The following SARDH variants were observed in gnomAD, a reference collection of about 807,000 sequenced individuals.
SARDH encodes sarcosine dehydrogenase.
Under a neutral mutation model 109.1 loss-of-function variants are expected in SARDH, and 95 were observed. The observed-to-expected ratio is 0.87, with a 90% confidence interval of 0.74 to 1.03. The LOEUF is 1.03. Among genes scored for constraint, SARDH ranks in the 50% least tolerant of loss-of-function variants. SARDH has a pLI of 0.00. For synonymous variants in SARDH, 572 were observed against 534.8 expected, an observed-to-expected ratio of 1.07 and a Z score of -0.96; for missense variants, 1,267 against 1,287.8, an observed-to-expected ratio of 0.98 and a Z score of 0.25.
At chr9:133,708,854 C>T (rs2131435441) in intron 10 of SARDH, among the ~76,000 whole-genome samples, 1 of 152,168 alleles carries the variant, frequency 6.6e-6, no homozygotes, top group Non-Finnish European at 1.5e-5. Context: ...TGTGAAGGGT[C>T]TTTGAAGTTT....
At chr9:133,703,788 G>A (rs1831583578) in intron 12 of SARDH, 1 of 152,384 alleles carries the variant, frequency 6.6e-6, no homozygotes, top group Admixed American at 6.5e-5. Flanking sequence ...TCACACACAA[G>A]TGGGAGCCAG....
At chr9:133,662,907 C>A (rs377368713), downstream of SARDH, among the ~76,000 whole-genome samples, 48 of 152,308 alleles carry the variant, frequency 3.2e-4, no homozygotes, top group East Asian at 7.5e-3. This position sits in a 1 kb window ranked among gnomAD's most constrained non-coding sequence, Gnocchi z 5.1. Context: ...ATGCACACCC[C>A]TCCCAGGCAG....
chr9:133,697,322 T>C (rs1380799930), intron 13 of SARDH, among the ~76,000 whole-genome samples: 1 of 152,234 alleles, frequency 6.6e-6, no homozygotes, highest in African/African-American at 2.4e-5. Context: ...CAGGTCCAGA[T>C]GGCTTCCCTG....
At position 133,689,233 on chromosome 9, in the gene SARDH, G is replaced by A. The variant is rs184866376; in HGVS notation, c.2069+1147C>T. ...CCTTTCCCATCCTCTCCCCGAAGCTGCCACCATCATTTTCCAGAGACAGAT... is the reference window on the plus strand; with the variant it reads ...CCTTTCCCATCCTCTCCCCGAAGCTACCACCATCATTTTCCAGAGACAGAT... On this transcript the variant is annotated intron_variant, in intron 16 of 20. Transcript: ENST00000439388. 6.2e-3 allele frequency among the ~76,000 whole-genome samples: 883 copies of A among 141,718 alleles called. 8 individuals are homozygous for A. The highest frequency in any genetic ancestry group is 7.7e-3 in the Non-Finnish European group (509 of 66,402). The allele number at this position is 141,718 out of a possible 152,430, so 93.0% of individuals were successfully genotyped here.
Position 133,696,299 on chromosome 9 carries a change from C to T in SARDH, c.1731G>A (p.Gly577=), listed in dbSNP as rs145379956. The T allele has an allele frequency of 2.1e-5, 34 of 1,614,064 alleles. No homozygotes were observed. The highest frequency in any genetic ancestry group is 2.7e-5 in the Non-Finnish European group (32 of 1,180,032). Residue 577 remains glycine, a synonymous_variant, in exon 14 of 21, where the codon GGG becomes GGA. Transcript: ENST00000439388. The stretch of plus-strand genomic sequence containing the variant: ...CATCCAGCCCCACCAGGTAGAACTT[C>T]CCGAAGTAGGACATGTCAAACACAG... ...AAAVFDMSYF[G]KFYLVGLDAR... is the part of the protein sequence containing the mutation.
At chr9:133,697,840 CA>C (rs1457885148) in intron 13 of SARDH, among the ~76,000 whole-genome samples, 1 of 151,858 alleles carries the variant, frequency 6.6e-6, no homozygotes, top group South Asian at 2.1e-4. Context: ...AGGAACAAGA[CA>C]GGGGGGTCCA....
rs2427988 is a variant in SARDH at position 133,729,742 on chromosome 9, A to G, written c.915+23T>C. On this transcript the variant is annotated intron_variant, in intron 6 of 20. Transcript: ENST00000439388. ...CTCTGTGCCCCCCACAGACTGACAC[A>G]GAACCCGGGGCTGTCCACCTACCTG... The G allele has an allele frequency of 0.88, 1,412,692 of 1,601,428 alleles. 627,007 individuals are homozygous for G. The highest frequency in any genetic ancestry group is 0.93 in the Admixed American group (55,339 of 59,774).
intron 1 of SARDH, among the ~76,000 whole-genome samples, chr9:133,735,725 A>G (rs1008769657): frequency 3.3e-5 from 5 of 152,340 alleles, no homozygotes; most frequent in Middle Eastern, 6.8e-3. Context: ...ATAGTAAAAA[A>G]ACACACCCCT....
chr9:133,708,349 C>G lies in SARDH; in HGVS notation c.1408G>C (p.Val470Leu). The G allele has an allele frequency of 6.2e-7, 1 of 1,613,306 alleles. No individual in the cohort carries two copies. The highest frequency in any genetic ancestry group is 8.5e-7 in the Non-Finnish European group (1 of 1,179,726). ...SHESYAKNYS[V>L]VFPHDEPLAG... ...AGCGGCTCATCGTGGGGGAAGACGA[C>G]GGAGTAGTTCTTGGCGTAGGACTCA... is the stretch of plus-strand genomic sequence containing the variant. Residue 470 changes from valine (V) to leucine (L), a missense_variant, in exon 11 of 21, where the codon GTC (valine) becomes CTC (leucine). Physicochemically the swap from Val to Leu is conservative, Grantham distance 32 (BLOSUM62 1). Transcript: ENST00000439388.
intron 13 of SARDH, among the ~76,000 whole-genome samples, chr9:133,698,009 T>TAAAAAAAAAAAA (rs371381068): frequency 2.1e-5 from 2 of 95,710 alleles, no homozygotes; most frequent in Non-Finnish European, 4.1e-5. Context: ...AGGAATCCAC[T>TAAAAAAAAAAAA]AAAAAAAAAA....
chr9:133,699,075 G>A (rs1172683227), intron 13 of SARDH, among the ~76,000 whole-genome samples: 6 of 152,296 alleles, frequency 3.9e-5, no homozygotes, highest in South Asian at 2.1e-4. Flanking sequence ...AGTCGGCTGC[G>A]GTGGCTCATG....
At chr9:133,708,108 G>A (rs796337501) in intron 11 of SARDH, among the ~76,000 whole-genome samples, 179 bp downstream of exon 11, 1 of 152,122 alleles carries the variant, frequency 6.6e-6, no homozygotes, top group African/African-American at 2.4e-5. Context: ...AATGTTCTTG[G>A]CCCTGAGCAC....
At chr9:133,707,441 G>A (rs1831732203) in intron 11 of SARDH, among the ~76,000 whole-genome samples, 3 of 152,278 alleles carry the variant, frequency 2.0e-5, no homozygotes, top group African/African-American at 4.8e-5. Context: ...AGGGCAGTCT[G>A]GGAGCCAGCC....
chr9:133,730,249 C>T (rs1035143016), intron 4 of SARDH, 62 bp from the exon 5 acceptor site: 1 of 1,590,942 alleles, frequency 6.3e-7, no homozygotes, highest in Non-Finnish European at 8.6e-7. Flanking sequence ...CTTCCCACCC[C>T]ACTCCAACCA....
chr9:133,711,267 T>C (rs896440163), intron 10 of SARDH, among the ~76,000 whole-genome samples: 1 of 152,154 alleles, frequency 6.6e-6, no homozygotes, highest in Non-Finnish European at 1.5e-5. Context: ...AGAACCCTGG[T>C]TGGTGGGTTC....
chr9:133,681,233 C>G (rs1476742687), intron 17 of SARDH, among the ~76,000 whole-genome samples: 1 of 152,180 alleles, frequency 6.6e-6, no homozygotes, highest in Non-Finnish European at 1.5e-5. Flanking sequence ...GTGGGTAGAG[C>G]AGGGGCAGCT....
intron 17 of SARDH, among the ~76,000 whole-genome samples, chr9:133,679,384 A>C (rs1830619065): frequency 1.3e-5 from 2 of 152,326 alleles, no homozygotes; most frequent in South Asian, 4.1e-4. Flanking sequence ...TCAAATCCTA[A>C]CAGCGCCGCG....
At chr9:133,703,447 C>T (rs1016987687) in intron 12 of SARDH, 4 of 202,272 alleles carry the variant, frequency 2.0e-5, no homozygotes, top group South Asian at 1.1e-4. Flanking sequence ...CCCCTTTCTA[C>T]AGATGAGGAA....
Position 133,700,739 on chromosome 9 carries a change from A to G in SARDH, c.1668+2177T>C, listed in dbSNP as rs558260874. Among the ~76,000 whole-genome samples the G allele has an allele frequency of 5.3e-5, 8 of 151,612 alleles. No individual in the cohort carries two copies. In the South Asian group the frequency reaches 6.2e-4, roughly 12 times the overall value. ...AGCACACACACACACACGCACGCGC[A>G]CACACACACACACATAAACAACATC... is the stretch of plus-strand genomic sequence containing the variant. On this transcript the variant is annotated intron_variant, in intron 13 of 20. Coordinates refer to ENST00000439388, the MANE Select transcript of SARDH (RefSeq NM_001134707.2).
Sources: allele counts gnomAD v4.1 joint callset (sites outside exome capture counted in the v4.1 genomes callset), GRCh38; gene constraint gnomAD v4.1.1; non-coding constraint Gnocchi (gnomAD v3.1); transcripts MANE v1.5; gene names NCBI Gene and HGNC (gene_info 2026-07-23, HGNC 2026-07-21).